Variants in PARP15 observed in about 807,000 individuals in gnomAD.
PARP15 encodes poly(ADP-ribose) polymerase family member 15, also known as protein mono-ADP-ribosyltransferase PARP15.
A neutral mutation model predicts 62.1 loss-of-function variants in PARP15; 50 were observed. The ratio of observed to expected loss-of-function variants is 0.81; its 90% CI spans 0.64 to 1.02. PARP15 has a LOEUF of 1.02. Ranked by LOEUF, PARP15 falls within the 50% of genes least tolerant of loss-of-function variation. PARP15 has a pLI of 0.00. For synonymous variants in PARP15, 309 were observed against 293.1 expected (o/e 1.05, Z -0.55); for missense variants, 820 against 826.5 (o/e 0.99, Z 0.10).
intron 7 of PARP15, among the ~76,000 whole-genome samples, chr3:122,621,035 C>T (rs1936306174): frequency 6.6e-6 from 1 of 152,138 alleles, no homozygotes. Flanking sequence ...AGAAATTGCT[C>T]TTCTGGGACA....
intron 1 of PARP15, among the ~76,000 whole-genome samples, chr3:122,601,329 T>C (rs1450937923): frequency 6.6e-6 from 1 of 152,172 alleles, no homozygotes; most frequent in African/African-American, 2.4e-5. Context: ...CCATTGTTTT[T>C]GACAAATGCA....
At chr3:122,612,717 C>T (rs367974774) in intron 3 of PARP15, among the ~76,000 whole-genome samples, 10 of 151,902 alleles carry the variant, frequency 6.6e-5, no homozygotes, top group African/African-American at 2.4e-4. Context: ...TGGGAGCCAC[C>T]GCGCCCTGCC....
In PARP15 at chr3:122,577,834, G is replaced by C. The variant is rs1475425911; in HGVS notation, c.167G>C (p.Arg56Pro). The change falls in exon 1 of 12, where the codon CGC (arginine) becomes CCC (proline). Residue 56 changes from arginine (R) to proline (P), a missense_variant. This residue lies in a region of PARP15 where 731 missense variants were observed against 727.7 expected (regional missense o/e 1.00). Coordinates refer to ENST00000464300, the MANE Select transcript of PARP15 (RefSeq NM_001113523.3). Reference sequence around the variant, plus strand: ...CGTGGGGCGCGGAAGGCCTCCCGGCGCTCTTCCTCCCGGAGTATGGTGAGG... The same window carrying C: ...CGTGGGGCGCGGAAGGCCTCCCGGCCCTCTTCCTCCCGGAGTATGGTGAGG... Reference protein sequence around the residue: ...GNRGARKASRRSSSRSMSRDN... With the variant: ...GNRGARKASRPSSSRSMSRDN... 1.3e-6 allele frequency: 2 copies of C among 1,549,720 alleles called. No individual in the cohort carries two copies. The highest frequency in any genetic ancestry group is 2.7e-5 in the African/African-American group (2 of 72,980).
intron 1 of PARP15, among the ~76,000 whole-genome samples, chr3:122,579,572 A>G (rs2080755879): frequency 6.6e-6 from 1 of 152,214 alleles, no homozygotes; most frequent in Non-Finnish European, 1.5e-5. Context: ...GAAATCATTC[A>G]GCAGAGAGTC....
At chr3:122,616,915 GAA>G in intron 5 of PARP15, 98 bp from the exon 6 acceptor site, 1 of 1,364,472 alleles carries the variant, frequency 7.3e-7, no homozygotes, top group Non-Finnish European at 1.0e-6. Context: ...TGGGGGAAAA[GAA>G]AGAGGGCTGA....
chr3:122,632,210 A>T lies in PARP15; in HGVS notation c.1563A>T (p.Ala521=). ...DKFTRTCSSY[A]IEKIERIQNA... ...TCACCCGAACTTGTTCTTCCTACGC[A>T]ATAGAGAAGGTAATACTGTGTTAAA... is the stretch of plus-strand genomic sequence containing the variant. Residue 521 remains alanine, a synonymous_variant, in exon 10 of 12, where the codon GCA becomes GCT. Transcript: ENST00000464300. 1 of 1,613,278 alleles carries T rather than the reference A, an allele frequency of 6.2e-7. No homozygotes were observed. The highest frequency in any genetic ancestry group is 8.5e-7 in the Non-Finnish European group (1 of 1,179,752).
intron 1 of PARP15, among the ~76,000 whole-genome samples, chr3:122,601,936 CCTTT>C (rs1934828021): frequency 6.6e-6 from 1 of 150,720 alleles, no homozygotes; most frequent in Non-Finnish European, 1.5e-5. Flanking sequence ...CATTTGGTGG[CCTTT>C]TTTTTTTCTT....
At position 122,610,738 on chromosome 3, in the gene PARP15, A is replaced by G. The variant is rs1485104239; in HGVS notation, c.543+8A>G. Reference sequence around the variant, plus strand: ...GCAGAGACTTCTTGGCAGGTAGGGAACGCTCTTAGTTCTCCAACGTATTGG... The same window carrying G: ...GCAGAGACTTCTTGGCAGGTAGGGAGCGCTCTTAGTTCTCCAACGTATTGG... On this transcript the variant is annotated splice_region_variant and intron_variant, in intron 3 of 11. Coordinates refer to ENST00000464300, the MANE Select transcript of PARP15 (RefSeq NM_001113523.3). 2 of 1,500,990 alleles carry G rather than the reference A, an allele frequency of 1.3e-6. No individual in the cohort carries two copies. The highest frequency in any genetic ancestry group is 1.8e-6 in the Non-Finnish European group (2 of 1,123,312). The allele number at this position is 1,500,990 out of a possible 1,614,324, so 93.0% of individuals were successfully genotyped here. A position where few individuals can be genotyped will look rare whatever the true frequency, so the allele number is the denominator to read the frequency against.
At chr3:122,593,487 G>A (rs866545593) in intron 1 of PARP15, among the ~76,000 whole-genome samples, 6 of 152,026 alleles carry the variant, frequency 3.9e-5, no homozygotes, top group African/African-American at 7.3e-5. Flanking sequence ...TTAAGATAAC[G>A]TGGATTCACT....
At chr3:122,597,216 C>A (rs761200436) in intron 1 of PARP15, among the ~76,000 whole-genome samples, 1 of 152,116 alleles carries the variant, frequency 6.6e-6, no homozygotes, top group Non-Finnish European at 1.5e-5. Context: ...TGGCACTAAT[C>A]CCATTCATGA....
intron 1 of PARP15, among the ~76,000 whole-genome samples, chr3:122,583,114 C>CTTTTTTTTTTT (rs67942585): frequency 4.3e-4 from 36 of 83,482 alleles, no homozygotes; most frequent in East Asian, 8.3e-4. Flanking sequence ...TCATCTGTAT[C>CTTTTTTTTTTT]TTTTTTTTTT....
intron 7 of PARP15, among the ~76,000 whole-genome samples, chr3:122,620,129 G>A (rs891734076): frequency 5.3e-5 from 8 of 152,136 alleles, no homozygotes; most frequent in East Asian, 1.9e-4. Flanking sequence ...TCCTAGGCAC[G>A]TCATCTAACT....
chr3:122,636,102 A>G lies in PARP15; in HGVS notation c.*2A>G, dbSNP rs1223891164. On this transcript the variant is annotated 3_prime_UTR_variant, in exon 12 of 12. Coordinates refer to ENST00000464300, the MANE Select transcript of PARP15 (RefSeq NM_001113523.3). ...TATCTCATAACTTTCACGGCTTAAA[A>G]ATATTTTTATCATCAAAGAGATGAT... is the stretch of plus-strand genomic sequence containing the variant. 2 of 1,606,022 alleles carry G rather than the reference A, an allele frequency of 1.2e-6. No individual in the cohort carries two copies. Among genetic ancestry groups the G allele is most frequent in the Admixed American group, 1.7e-5 (1 of 59,548 alleles).
intron 9 of PARP15, 83 bp from the exon 10 acceptor site, chr3:122,632,003 G>C: frequency 6.7e-7 from 1 of 1,500,354 alleles, no homozygotes; most frequent in Non-Finnish European, 9.2e-7. Context: ...TGGATGACGA[G>C]AGACAAGTGC....
chr3:122,611,138 C>T (rs934815907), intron 3 of PARP15, among the ~76,000 whole-genome samples: 2 of 152,082 alleles, frequency 1.3e-5, no homozygotes, highest in Non-Finnish European at 2.9e-5. Context: ...CAAAGAGGTG[C>T]GCCCAGCACT....
intron 9 of PARP15, among the ~76,000 whole-genome samples, chr3:122,629,547 G>C (rs1228542148): frequency 6.6e-6 from 1 of 152,136 alleles, no homozygotes. Flanking sequence ...TTGGGCCCAG[G>C]GACCAGTTTC....
intron 1 of PARP15, among the ~76,000 whole-genome samples, chr3:122,590,783 C>T (rs1933847236): frequency 6.6e-6 from 1 of 152,090 alleles, no homozygotes; most frequent in South Asian, 2.1e-4. Flanking sequence ...CTCTATTGTC[C>T]CCTTCCTTTG....
chr3:122,631,480 AC>A (rs1252460843), intron 9 of PARP15, among the ~76,000 whole-genome samples: 4 of 152,178 alleles, frequency 2.6e-5, no homozygotes, highest in African/African-American at 9.7e-5. Flanking sequence ...CCGTATTCAC[AC>A]TAGTCCTGCT....
intron 1 of PARP15, among the ~76,000 whole-genome samples, chr3:122,600,936 T>G (rs1934737313): frequency 6.6e-6 from 1 of 151,934 alleles, no homozygotes; most frequent in East Asian, 1.9e-4. Flanking sequence ...ATACATTTGT[T>G]GCAACTGATG....
Sources: gnomAD v4.1 joint callset for allele counts (sites outside exome capture counted in the v4.1 genomes callset) on GRCh38, gnomAD v4.1.1 for gene constraint, gnomAD v4.1.1 regional missense constraint, MANE v1.5 for transcripts, NCBI Gene and HGNC (gene_info 2026-07-23, HGNC 2026-07-21) for gene names.